HPSE2: variants seen among roughly 807,000 people sequenced by gnomAD.
HPSE2 encodes the protein heparanase 2 (inactive), also known as inactive heparanase-2.
HPSE2 carries 38 observed loss-of-function variants against 60.5 expected under a neutral mutation model. That is an observed-to-expected ratio of 0.63 (90% CI 0.48 to 0.82). The LOEUF (loss-of-function observed/expected upper bound fraction) is 0.82. HPSE2 is among the 40% of genes least tolerant of loss of function. The pLI is 0.00. For synonymous variants in HPSE2, 295 were observed against 293.2 expected (o/e 1.01, Z -0.06); for missense variants, 713 against 740.4 (o/e 0.96, Z 0.43).
the HPSE2 span, among the ~76,000 whole-genome samples, chr10:99,280,596 T>C: frequency 5.3e-5 from 8 of 152,126 alleles, no homozygotes; most frequent in Non-Finnish European, 1.0e-4. Flanking sequence ...ACAGTCACAG[T>C]TTGAAGTATA....
chr10:98,890,773 C>G (rs550269198), intron 3 of HPSE2, among the ~76,000 whole-genome samples: 1 of 152,102 alleles, frequency 6.6e-6, no homozygotes, highest in African/African-American at 2.4e-5. Flanking sequence ...CTAGGTGGAG[C>G]CTTACACATA....
At chr10:99,074,191 C>T (rs540995694) in intron 3 of HPSE2, among the ~76,000 whole-genome samples, 29 of 152,118 alleles carry the variant, frequency 1.9e-4, no homozygotes, top group African/African-American at 7.0e-4. Context: ...TAAATGTGGG[C>T]TTTTCATATA....
At chr10:99,118,523 C>CAA (rs34901531) in intron 3 of HPSE2, among the ~76,000 whole-genome samples, 4,624 of 102,026 alleles carry the variant, frequency 0.045, 165 homozygotes, top group Middle Eastern at 0.071. Context: ...ACTCCTTCTC[C>CAA]AAAAAAAAAA....
At chr10:99,116,384 A>G (rs1023459448) in intron 3 of HPSE2, among the ~76,000 whole-genome samples, 1 of 152,202 alleles carries the variant, frequency 6.6e-6, no homozygotes, top group African/African-American at 2.4e-5. Context: ...TTTACAGTCT[A>G]TCTTATTATT....
rs1335821918 is a variant in HPSE2, at chr10:98,889,116, C to G, written c.611-145060G>C. 2.0e-5 allele frequency among the ~76,000 whole-genome samples: 3 copies of G among 152,118 alleles called. No homozygotes were observed. The East Asian group carries it at 5.8e-4, about 29-fold the overall frequency. ...CATAGATTTTTTTTTCAGATTTTTT[C>G]TCTTGCCCCATTCCCAATAAAAAAT... is the stretch of plus-strand genomic sequence containing the variant. On this transcript the variant is annotated intron_variant, in intron 3 of 11. Transcript: ENST00000370552.
the HPSE2 span, among the ~76,000 whole-genome samples, chr10:99,303,617 C>T: frequency 2.0e-5 from 3 of 152,076 alleles, no homozygotes; most frequent in Non-Finnish European, 2.9e-5. Context: ...TTGGGTACAC[C>T]CGTCCAGGAT....
At chr10:98,559,669 A>G (rs1041716644) in intron 9 of HPSE2, among the ~76,000 whole-genome samples, 7 of 152,238 alleles carry the variant, frequency 4.6e-5, no homozygotes, top group African/African-American at 1.4e-4. Flanking sequence ...GGTGAAGAGC[A>G]GGTGAATGAC....
intron 6 of HPSE2, among the ~76,000 whole-genome samples, chr10:98,662,564 T>C (rs903561226): frequency 6.6e-6 from 1 of 152,086 alleles, no homozygotes; most frequent in Admixed American, 6.5e-5. Flanking sequence ...GAGTGAAGGA[T>C]GGGAGGAGGC....
the HPSE2 span, among the ~76,000 whole-genome samples, chr10:99,286,294 A>G: frequency 6.6e-6 from 1 of 152,252 alleles, no homozygotes; most frequent in Non-Finnish European, 1.5e-5. Flanking sequence ...ATTATTCACA[A>G]TAACCTAGAA....
chr10:98,902,239 G>A (rs1054746400), intron 3 of HPSE2, among the ~76,000 whole-genome samples: 1 of 152,072 alleles, frequency 6.6e-6, no homozygotes, highest in African/African-American at 2.4e-5. Context: ...CAAACTAGGA[G>A]GTATATGAAT....
At chr10:99,014,168 G>A (rs1261174870) in intron 3 of HPSE2, among the ~76,000 whole-genome samples, 6 of 152,202 alleles carry the variant, frequency 3.9e-5, no homozygotes, top group African/African-American at 7.2e-5. Flanking sequence ...CACCTGGCTC[G>A]TGGACATTGC....
chr10:99,039,064 T>C (rs1957675495), intron 3 of HPSE2, among the ~76,000 whole-genome samples: 1 of 152,134 alleles, frequency 6.6e-6, no homozygotes, highest in African/African-American at 2.4e-5. Flanking sequence ...TCAGCTGTAG[T>C]TTACTAGTTT....
intron 9 of HPSE2, among the ~76,000 whole-genome samples, chr10:98,605,483 A>G (rs917763459): frequency 1.3e-5 from 2 of 152,222 alleles, no homozygotes; most frequent in African/African-American, 2.4e-5. Context: ...AAAGATACTA[A>G]AAAACGGAAT....
chr10:98,688,465 CTTTTTTTTTTTCTTT>C lies in HPSE2; in HGVS notation c.1004+5420_1004+5434del, dbSNP rs1403241407. On this transcript the variant is annotated intron_variant, in intron 6 of 11. Transcript: ENST00000370552. ...GTCTGAAGAATTTCCTTTAGCATTT[CTTTTTTTTTTTCTTT>C]TTTTTTTTTTTTTGAGGCAGAATCT... Among the ~76,000 whole-genome samples, 212 of 103,860 alleles carry C rather than the reference CTTTTTTTTTTTCTTT, an allele frequency of 2.0e-3. 7 individuals carry two copies. The highest frequency in any genetic ancestry group is 5.0e-3 in the Admixed American group (39 of 7,874). 68.1% of individuals were successfully genotyped at this position (103,860 alleles called of 152,430 possible). A position where few individuals can be genotyped will look rare whatever the true frequency, so the allele number is the denominator to read the frequency against.
rs114370423 is a variant in HPSE2, at chr10:99,171,276, G to C, written c.449-26877C>G. On this transcript the variant is annotated intron_variant, in intron 2 of 11. Transcript: ENST00000370552. Reference sequence around the variant, plus strand: ...CTGGGGCCATTTTAAACCACACTTGGTGGAATTCACACATTGGGTAGAATA... The same window carrying C: ...CTGGGGCCATTTTAAACCACACTTGCTGGAATTCACACATTGGGTAGAATA... Among the ~76,000 whole-genome samples, 627 of 152,280 alleles carry C rather than the reference G, an allele frequency of 4.1e-3. 5 individuals carry two copies. The highest frequency in any genetic ancestry group is 0.014 in the African/African-American group (601 of 41,564).
chr10:98,875,424 T>C (rs1404251366), intron 3 of HPSE2, among the ~76,000 whole-genome samples: 1 of 151,970 alleles, frequency 6.6e-6, no homozygotes, highest in Non-Finnish European at 1.5e-5. Flanking sequence ...CTAGAAAATC[T>C]AGAAGAAATT....
At chr10:98,766,864 G>T (rs992269226) in intron 3 of HPSE2, among the ~76,000 whole-genome samples, 5 of 152,130 alleles carry the variant, frequency 3.3e-5, no homozygotes, top group Non-Finnish European at 5.9e-5. Context: ...GGTCGAGGCT[G>T]CAGTGAGCCA....
intron 2 of HPSE2, among the ~76,000 whole-genome samples, chr10:99,151,891 G>A (rs1276235146): frequency 1.3e-5 from 2 of 152,004 alleles, no homozygotes; most frequent in African/African-American, 2.4e-5. Context: ...ACTCCAACCT[G>A]GGCAACAGAG....
At chr10:98,979,654 C>A (rs146851800) in intron 3 of HPSE2, among the ~76,000 whole-genome samples, 1 of 152,110 alleles carries the variant, frequency 6.6e-6, no homozygotes, top group South Asian at 2.1e-4. Context: ...GAAACTTAAC[C>A]GTGTATTTCT....
Sources: allele counts gnomAD v4.1 joint callset (sites outside exome capture counted in the v4.1 genomes callset), GRCh38; gene constraint gnomAD v4.1.1; transcripts MANE v1.5; gene names NCBI Gene and HGNC (gene_info 2026-07-23, HGNC 2026-07-21).